SMARCAD1: variants seen among roughly 807,000 people sequenced by gnomAD.
SMARCAD1 encodes SNF2 related chromatin remodeling ATPase with DExD box 1, also known as SWI/SNF-related matrix-associated actin-dependent regulator of chromatin subfamily A containing DEAD/H box 1.
Under a neutral mutation model 127.1 loss-of-function variants are expected in SMARCAD1, and 25 were observed. That is an observed-to-expected ratio of 0.20 (90% confidence interval 0.14 to 0.27). The LOEUF (loss-of-function observed/expected upper bound fraction) is 0.27. Among genes scored for constraint, SMARCAD1 ranks in the 10% least tolerant of loss-of-function variants. The pLI is 1.00. For missense variants in SMARCAD1, 807 were observed against 1,206.0 expected, an observed-to-expected ratio of 0.67 and a Z score of 4.90; for synonymous variants, 400 against 396.9, an observed-to-expected ratio of 1.01 and a Z score of -0.09.
At chr4:94,229,612 A>G (rs1202335622) in intron 3 of SMARCAD1, among the ~76,000 whole-genome samples, 1 of 152,032 alleles carries the variant, frequency 6.6e-6, no homozygotes, top group Non-Finnish European at 1.5e-5. Context: ...AATTTCTCCA[A>G]GTAGTTCTGG....
chr4:94,210,449 G>A (rs770621110), intron 2 of SMARCAD1, among the ~76,000 whole-genome samples: 2 of 152,192 alleles, frequency 1.3e-5, no homozygotes, highest in South Asian at 4.1e-4. Context: ...AATGGTGAAA[G>A]AAAGTTTTAA....
intron 22 of SMARCAD1, among the ~76,000 whole-genome samples, chr4:94,283,653 G>A (rs1446760335): frequency 2.6e-5 from 4 of 152,010 alleles, no homozygotes; most frequent in African/African-American, 4.8e-5. Flanking sequence ...GTGAAACCCC[G>A]TCTCTATTAA....
chr4:94,213,003 C>G (rs1276318307), intron 2 of SMARCAD1: 1 of 1,092,014 alleles, frequency 9.2e-7, no homozygotes, highest in Non-Finnish European at 1.2e-6. Flanking sequence ...CACATTATTT[C>G]TCCTTTTTTT....
intron 5 of SMARCAD1, among the ~76,000 whole-genome samples, chr4:94,239,636 G>C (rs949797036): frequency 6.6e-6 from 1 of 150,962 alleles, no homozygotes; most frequent in Non-Finnish European, 1.5e-5. Flanking sequence ...GCAGTGGTGC[G>C]GTCTCAGCTC....
At chr4:94,209,289 G>T (rs566897069) in intron 2 of SMARCAD1, among the ~76,000 whole-genome samples, 1 of 152,224 alleles carries the variant, frequency 6.6e-6, no homozygotes, top group South Asian at 2.1e-4. Context: ...CATTTAATTT[G>T]CACAATAATC....
chr4:94,282,092 G>GTTTTTTTTTTTTTTTTT (rs144409121), intron 21 of SMARCAD1, among the ~76,000 whole-genome samples: 1 of 110,984 alleles, frequency 9.0e-6, no homozygotes, highest in African/African-American at 3.3e-5. Context: ...ATGCAAATAC[G>GTTTTTTTTTTTTTTTTT]TTTTTTTGTT....
At chr4:94,208,820 T>C (rs1367772970) in intron 2 of SMARCAD1, among the ~76,000 whole-genome samples, 1 of 152,172 alleles carries the variant, frequency 6.6e-6, no homozygotes, top group Non-Finnish European at 1.5e-5. Flanking sequence ...ATGGTGGAAG[T>C]TGAAATTAGA....
At chr4:94,265,154 C>G (rs1478573534) in intron 10 of SMARCAD1, among the ~76,000 whole-genome samples, 1 of 151,688 alleles carries the variant, frequency 6.6e-6, no homozygotes, top group African/African-American at 2.4e-5. Context: ...ACTATATGAC[C>G]AGTGTCTTTT....
At position 94,236,896 on chromosome 4, in the gene SMARCAD1, CT is replaced by C. The variant is rs1302669636; in HGVS notation, c.538-55del. ...TGTTTGTTCTTAAATATTTCAGTAA[CT>C]GAAATAATTCTTAAAGTGCTGATTT... On this transcript the variant is annotated intron_variant, in intron 4 of 23. Transcript: ENST00000354268. 3.0e-6 allele frequency: 4 copies of C among 1,350,842 alleles called. No homozygotes were observed. The African/African-American group carries it at 5.7e-5, about 19-fold the overall frequency. 83.7% of individuals were successfully genotyped at this position (1,350,842 alleles called of 1,614,324 possible).
At chr4:94,230,274 C>T (rs1200183198) in intron 3 of SMARCAD1, among the ~76,000 whole-genome samples, 3 of 151,626 alleles carry the variant, frequency 2.0e-5, no homozygotes, top group African/African-American at 7.3e-5. Flanking sequence ...CATTGTCATA[C>T]TTTCGTGTAT....
intron 10 of SMARCAD1, among the ~76,000 whole-genome samples, chr4:94,265,727 T>G (rs1751646892): frequency 6.6e-6 from 1 of 151,934 alleles, no homozygotes; most frequent in South Asian, 2.1e-4. Context: ...GTATGATATT[T>G]ATAGTGGCAA....
At chr4:94,230,331 A>T (rs2941219) in intron 3 of SMARCAD1, among the ~76,000 whole-genome samples, 1 of 151,462 alleles carries the variant, frequency 6.6e-6, no homozygotes, top group East Asian at 1.9e-4. Context: ...ACATGTGTGT[A>T]TATTCATTTG....
At chr4:94,224,213 T>C (rs374292191) in intron 2 of SMARCAD1, among the ~76,000 whole-genome samples, 1 of 152,202 alleles carries the variant, frequency 6.6e-6, no homozygotes, top group Non-Finnish European at 1.5e-5. Flanking sequence ...AATTGTTCTT[T>C]TGGAAAAAAG....
intron 23 of SMARCAD1, among the ~76,000 whole-genome samples, chr4:94,287,065 C>T (rs1000061777): frequency 1.4e-4 from 21 of 152,188 alleles, no homozygotes; most frequent in Middle Eastern, 3.4e-3. Context: ...GGGGTTTCAC[C>T]GTATTAGCCA....
At chr4:94,253,113 C>T (rs1359165718) in intron 9 of SMARCAD1, 106 bp downstream of exon 9, 1 of 1,568,960 alleles carries the variant, frequency 6.4e-7, no homozygotes, top group Non-Finnish European at 8.7e-7. Context: ...GATGGGTGGC[C>T]TTATCCTGTG....
intron 4 of SMARCAD1, among the ~76,000 whole-genome samples, chr4:94,234,862 G>C (rs1349699042): frequency 6.6e-6 from 1 of 152,134 alleles, no homozygotes; most frequent in Non-Finnish European, 1.5e-5. Context: ...TACCATATCT[G>C]TATGGACTAG....
intron 2 of SMARCAD1, among the ~76,000 whole-genome samples, chr4:94,216,839 A>C (rs1743281041): frequency 6.6e-6 from 1 of 152,204 alleles, no homozygotes; most frequent in Admixed American, 6.5e-5. Flanking sequence ...ATCAATGGGC[A>C]CTTGGATTGC....
intron 2 of SMARCAD1, among the ~76,000 whole-genome samples, 157 bp from the exon 3 acceptor site, chr4:94,225,962 T>C (rs1280710233): frequency 2.6e-5 from 4 of 152,214 alleles, no homozygotes; most frequent in African/African-American, 9.7e-5. Flanking sequence ...CCAGCCCTGG[T>C]TGATGATTAA....
In SMARCAD1 at chr4:94,290,667, T is replaced by C. The variant is rs559296104; in HGVS notation, c.*1133T>C. The C allele has an allele frequency of 1.1e-5, 5 of 450,924 alleles. No homozygotes were observed. The highest frequency in any genetic ancestry group is 6.3e-5 in the South Asian group (4 of 63,228). The allele number at this position is 450,924 out of a possible 1,614,324, so 27.9% of individuals were successfully genotyped here. Reference sequence around the variant, plus strand: ...TAGAAGTGAAGTTGTCTATTTGATATTTAACTCTTTATTAAATCTTTCTTT... The same window carrying C: ...TAGAAGTGAAGTTGTCTATTTGATACTTAACTCTTTATTAAATCTTTCTTT... On this transcript the variant is annotated 3_prime_UTR_variant, in exon 24 of 24. Transcript: ENST00000354268.
Sources: gnomAD v4.1 joint callset for allele counts (sites outside exome capture counted in the v4.1 genomes callset) on GRCh38, gnomAD v4.1.1 for gene constraint, MANE v1.5 for transcripts, NCBI Gene and HGNC (gene_info 2026-07-23, HGNC 2026-07-21) for gene names.